Variants in HMGN1 observed in about 807,000 individuals in gnomAD.
HMGN1 encodes the protein high mobility group nucleosome binding domain 1.
In HMGN1, 9 loss-of-function variants were observed where a neutral mutation model predicts 18.4. The ratio of observed to expected loss-of-function variants is 0.49; its 90% CI spans 0.29 to 0.85. The LOEUF (loss-of-function observed/expected upper bound fraction) is 0.85, where lower values mean the gene tolerates loss of function less well. Ranked by LOEUF, HMGN1 falls within the 40% of genes least tolerant of loss-of-function variation. The pLI, the probability that HMGN1 is intolerant of heterozygous loss-of-function variation, is 0.07. For missense variants in HMGN1, 151 were observed against 119.2 expected, an observed-to-expected ratio of 1.27 and a Z score of -1.24; for synonymous variants, 59 against 45.0, an observed-to-expected ratio of 1.31 and a Z score of -1.24.
rs564796118 is a variant in HMGN1, at chr21:39,348,889, C to T, written c.15+14G>A. The stretch of plus-strand genomic sequence containing the variant: ...GGCTCCAGGGGGCGTGTGCGGGCCG[C>T]GGCCGCCGCTCACCTTCCTCTTGGG... On this transcript the variant is annotated intron_variant, in intron 1 of 5. Coordinates refer to ENST00000380749, the MANE Select transcript of HMGN1 (RefSeq NM_004965.7). 8.4e-4 allele frequency: 969 copies of T among 1,152,264 alleles called. 13 individuals carry two copies. In the African/African-American group the frequency reaches 0.014, roughly 17 times the overall value. The allele number at this position is 1,152,264 out of a possible 1,614,324, so 71.4% of individuals were successfully genotyped here.
At chr21:39,347,006 AAGAAAAATGTAAAG>A (rs2037077144) in intron 4 of HMGN1, 2 of 152,542 alleles carry the variant, frequency 1.3e-5, no homozygotes, top group Admixed American at 1.3e-4. Context: ...GGAAAGAAAC[AAGAAAAATGTAAAG>A]AGGGAAACAG....
chr21:39,342,965 A>C lies in HMGN1; in HGVS notation c.*147T>G. On this transcript the variant is annotated 3_prime_UTR_variant, in exon 6 of 6. Coordinates refer to ENST00000380749, the MANE Select transcript of HMGN1 (RefSeq NM_004965.7). ...TAAAAAAAAGCATTTACACTTAAAAAATGGGATGAGGTGGGATTCCCTCCT... is the reference window on the plus strand; with the variant it reads ...TAAAAAAAAGCATTTACACTTAAAACATGGGATGAGGTGGGATTCCCTCCT... 1 of 1,262,158 alleles carries C rather than the reference A, an allele frequency of 7.9e-7. No homozygotes were observed. The highest frequency in any genetic ancestry group is 1.5e-5 in the African/African-American group (1 of 66,760). The allele number at this position is 1,262,158 out of a possible 1,614,324, so 78.2% of individuals were successfully genotyped here.
chr21:39,347,356 G>GA lies in HMGN1; in HGVS notation c.126+935dup, dbSNP rs550073909. Reference sequence around the variant, plus strand: ...TCTGTAAAAAATTTAAATTAAAAAAGAAAAAACATCTTTGTTTTATACCTT... The same window carrying GA: ...TCTGTAAAAAATTTAAATTAAAAAAGAAAAAAACATCTTTGTTTTATACCTT... On this transcript the variant is annotated intron_variant, in intron 4 of 5. Transcript: ENST00000380749. The GA allele has an allele frequency of 3.5e-3, 3,803 of 1,077,720 alleles. 20 individuals carry two copies. The highest frequency in any genetic ancestry group is 3.7e-3 in the Non-Finnish European group (3,104 of 841,102). The allele number at this position is 1,077,720 out of a possible 1,614,324, so 66.8% of individuals were successfully genotyped here.
At position 39,342,586 on chromosome 21, in the gene HMGN1, T is replaced by C; in HGVS notation, c.*526A>G. ...CACTACATGTTCAAATCTGTAATCT[T>C]TCACAGCACAGTAACAAAGTTATTA... On this transcript the variant is annotated 3_prime_UTR_variant, in exon 6 of 6. Coordinates refer to ENST00000380749, the MANE Select transcript of HMGN1 (RefSeq NM_004965.7). 6.4e-6 allele frequency: 2 copies of C among 310,964 alleles called. No individual in the cohort carries two copies. Among genetic ancestry groups the C allele is most frequent in the Non-Finnish European group, 1.3e-5 (2 of 157,602 alleles). 19.3% of individuals were successfully genotyped at this position (310,964 alleles called of 1,614,324 possible).
In HMGN1 at chr21:39,347,784, G is replaced by A. The variant is rs143231766; in HGVS notation, c.126+508C>T. ...GCCAAAATCACGGTTTTGTATAACT[G>A]CTGATGAACACTTCCAGAGTAGTGG... On this transcript the variant is annotated intron_variant, in intron 4 of 5. Coordinates refer to ENST00000380749, the MANE Select transcript of HMGN1 (RefSeq NM_004965.7). 6.4e-4 allele frequency: 196 copies of A among 305,240 alleles called. 1 individual carries two copies. Among genetic ancestry groups the A allele is most frequent in the African/African-American group, 4.0e-3 (177 of 44,172 alleles). The allele number at this position is 305,240 out of a possible 1,614,324, so 18.9% of individuals were successfully genotyped here. A position where few individuals can be genotyped will look rare whatever the true frequency, so the allele number is the denominator to read the frequency against.
In HMGN1 at chr21:39,345,209, T is replaced by C; in HGVS notation, c.192A>G (p.Glu64=). Reference sequence around the variant, plus strand: ...CTTCTTTAGTTTCTTGGTTAGCCACTTCGGCCTGTTTTCCCTTTGCTCCCC... The same window carrying C: ...CTTCTTTAGTTTCTTGGTTAGCCACCTCGGCCTGTTTTCCCTTTGCTCCCC... ...GKRGAKGKQA[E]VANQETKEDL... is the part of the protein sequence containing the mutation. The change falls in exon 5 of 6, where the codon GAA becomes GAG. Residue 64 remains glutamate (E), a synonymous_variant. Coordinates refer to ENST00000380749, the MANE Select transcript of HMGN1 (RefSeq NM_004965.7). 1.2e-6 allele frequency: 2 copies of C among 1,613,826 alleles called. No homozygotes were observed. The highest frequency in any genetic ancestry group is 2.2e-5 in the South Asian group (2 of 91,072).
Position 39,349,078 on chromosome 21 carries a change from G to C in HMGN1, c.-161C>G, listed in dbSNP as rs905769153. On this transcript the variant is annotated 5_prime_UTR_variant, in exon 1 of 6. Transcript: ENST00000380749. ...CTGAGACCCACAGCGGGGGCGGTGG[G>C]AGAACCGGATGGAACCGGATTGGGA... 1 of 836,028 alleles carries C rather than the reference G, an allele frequency of 1.2e-6. No homozygotes were observed. Among genetic ancestry groups the C allele is most frequent in the African/African-American group, 1.8e-5 (1 of 55,936 alleles). 51.8% of individuals were successfully genotyped at this position (836,028 alleles called of 1,614,324 possible).
chr21:39,347,856 C>T, intron 4 of HMGN1: 1 of 523,536 alleles, frequency 1.9e-6, no homozygotes, highest in Non-Finnish European at 2.5e-6. Context: ...CCACCCCCAC[C>T]CCGTAAAAAG....
intron 4 of HMGN1, 115 bp downstream of exon 4, chr21:39,348,177 C>T (rs1210148551): frequency 4.5e-6 from 6 of 1,341,152 alleles, no homozygotes; most frequent in Non-Finnish European, 5.2e-6. Context: ...AATTATTTAC[C>T]GTAATTATTA....
chr21:39,345,723 T>C (rs2037027503), intron 4 of HMGN1: 5 of 682,246 alleles, frequency 7.3e-6, no homozygotes, highest in Non-Finnish European at 9.2e-6. Context: ...TGAAGTTGAA[T>C]ACCGGAGGAG....
Position 39,343,037 on chromosome 21 carries a change from T to C in HMGN1, c.*75A>G, listed in dbSNP as rs577378970. The C allele has an allele frequency of 4.5e-6, 6 of 1,326,026 alleles. No homozygotes were observed. The highest frequency in any genetic ancestry group is 4.6e-5 in the East Asian group (2 of 43,486). 82.1% of individuals were successfully genotyped at this position (1,326,026 alleles called of 1,614,324 possible). ...TACTAAAAAACTTGCATTTACAAAA[T>C]AGTTGATAAAAATATTCCTCTGGAT... On this transcript the variant is annotated 3_prime_UTR_variant, in exon 6 of 6. Transcript: ENST00000380749.
intron 1 of HMGN1, 124 bp from the exon 2 acceptor site, chr21:39,348,701 C>T (rs942180990): frequency 2.4e-6 from 3 of 1,234,610 alleles, no homozygotes; most frequent in South Asian, 1.6e-5. Flanking sequence ...GTTCGAATAG[C>T]CCCCTCAGCT....
chr21:39,347,674 T>C (rs998167067), intron 4 of HMGN1: 1 of 317,096 alleles, frequency 3.2e-6, no homozygotes, highest in Non-Finnish European at 6.2e-6. Context: ...ACCCTGCAAG[T>C]TATCAAACAC....
At chr21:39,348,517 C>T in intron 2 of HMGN1, 28 bp downstream of exon 2, 1 of 1,613,610 alleles carries the variant, frequency 6.2e-7, no homozygotes, top group South Asian at 1.1e-5. Context: ...GGGAAACCCA[C>T]CACCCCCCGC....
intron 4 of HMGN1, chr21:39,347,995 C>A: frequency 7.9e-7 from 1 of 1,259,218 alleles, no homozygotes; most frequent in Non-Finnish European, 1.0e-6. Context: ...AATTAAAAGC[C>A]AAGCACCAGC....
In HMGN1 at chr21:39,349,078, GAGAACCGGAT is replaced by G. The variant is rs946752351; in HGVS notation, c.-171_-162del. 110 of 835,922 alleles carry G rather than the reference GAGAACCGGAT, an allele frequency of 1.3e-4. No individual in the cohort carries two copies. The highest frequency in any genetic ancestry group is 4.4e-4 in the Middle Eastern group (1 of 2,260). The allele number at this position is 835,922 out of a possible 1,614,324, so 51.8% of individuals were successfully genotyped here. A position where few individuals can be genotyped will look rare whatever the true frequency, so the allele number is the denominator to read the frequency against. On this transcript the variant is annotated 5_prime_UTR_variant, in exon 1 of 6. Coordinates refer to ENST00000380749, the MANE Select transcript of HMGN1 (RefSeq NM_004965.7). ...CTGAGACCCACAGCGGGGGCGGTGG[GAGAACCGGAT>G]GGAACCGGATTGGGAGCCCGCCTCC...
In HMGN1 at chr21:39,348,722, C is replaced by T. The variant is rs2037159681; in HGVS notation, c.16-145G>A. On this transcript the variant is annotated intron_variant, in intron 1 of 5. Transcript: ENST00000380749. Reference sequence around the variant, plus strand: ...ATAGCCCCCTCAGCTCCCCCGGCCGCCAAACGTTCCAGAACGCCCGCCCCC... The same window carrying T: ...ATAGCCCCCTCAGCTCCCCCGGCCGTCAAACGTTCCAGAACGCCCGCCCCC... 1.3e-5 allele frequency: 15 copies of T among 1,159,924 alleles called. No individual in the cohort carries two copies. The East Asian group carries it at 4.5e-4, about 35-fold the overall frequency. The allele number at this position is 1,159,924 out of a possible 1,614,324, so 71.9% of individuals were successfully genotyped here. A position where few individuals can be genotyped will look rare whatever the true frequency, so the allele number is the denominator to read the frequency against.
chr21:39,345,061 G>A (rs2036994264), intron 5 of HMGN1, 85 bp downstream of exon 5: 10 of 1,418,944 alleles, frequency 7.0e-6, no homozygotes, highest in South Asian at 2.9e-5. Flanking sequence ...ACTGTTATCT[G>A]CTACAAAAAA....
rs764498677 is a variant in HMGN1 at position 39,348,566 on chromosome 21, G to C, written c.27C>G (p.Ala9=). Reference sequence around the variant, plus strand: ...TCACCTCTTCCTTGGCGGCGCCTTCGGCGGAGCTGACCTGCGGAGACGGAG... The same window carrying C: ...TCACCTCTTCCTTGGCGGCGCCTTCCGCGGAGCTGACCTGCGGAGACGGAG... MPKRKVSS[A]EGAAKEEPKR... is the part of the protein sequence containing the mutation. The change falls in exon 2 of 6, where the codon GCC becomes GCG. Residue 9 remains alanine (A), a synonymous_variant. Coordinates refer to ENST00000380749, the MANE Select transcript of HMGN1 (RefSeq NM_004965.7). The C allele has an allele frequency of 6.2e-7, 1 of 1,610,376 alleles. No homozygotes were observed. Among genetic ancestry groups the C allele is most frequent in the Non-Finnish European group, 8.5e-7 (1 of 1,178,624 alleles).
Sources: allele counts gnomAD v4.1 joint callset, GRCh38; gene constraint gnomAD v4.1.1; transcripts MANE v1.5; gene names NCBI Gene and HGNC (gene_info 2026-07-23, HGNC 2026-07-21).